Variants in PLCB4 observed in about 807,000 individuals in gnomAD.
PLCB4 encodes 1-phosphatidylinositol 4,5-bisphosphate phosphodiesterase beta-4.
In PLCB4, 77 loss-of-function variants were observed where a neutral mutation model predicts 178.8. The observed-to-expected ratio is 0.43, with a 90% CI of 0.36 to 0.52. PLCB4 has a LOEUF of 0.52. Among genes scored for constraint, PLCB4 ranks in the 20% least tolerant of loss-of-function variants. The probability of loss-of-function intolerance (pLI) is 0.00; values close to 1 mark genes in which losing one functional copy is unlikely to be tolerated. For synonymous variants in PLCB4, 496 were observed against 490.8 expected, an observed-to-expected ratio of 1.01 and a Z score of -0.14; for missense variants, 1,024 against 1,453.4, an observed-to-expected ratio of 0.70 and a Z score of 4.80.
intron 2 of PLCB4, among the ~76,000 whole-genome samples, chr20:9,105,333 A>C (rs1425078959): frequency 6.6e-6 from 1 of 152,150 alleles, no homozygotes; most frequent in Non-Finnish European, 1.5e-5. Flanking sequence ...GTAGGACATA[A>C]AATGAGTTTC....
intron 2 of PLCB4, among the ~76,000 whole-genome samples, chr20:9,197,292 C>G (rs1482475504): frequency 6.6e-6 from 1 of 152,194 alleles, no homozygotes; most frequent in Non-Finnish European, 1.5e-5. Flanking sequence ...TTCCTAGGAC[C>G]TGTGCTGTCC....
At chr20:9,263,317 A>T (rs2094316806) in intron 3 of PLCB4, among the ~76,000 whole-genome samples, 1 of 152,084 alleles carries the variant, frequency 6.6e-6, no homozygotes, top group South Asian at 2.1e-4. Flanking sequence ...CCTAAAATTG[A>T]CCACTACCCT....
At chr20:9,313,545 C>T (rs1177635011) in intron 4 of PLCB4, among the ~76,000 whole-genome samples, 1 of 152,110 alleles carries the variant, frequency 6.6e-6, no homozygotes, top group East Asian at 1.9e-4. Flanking sequence ...AGTGAAAATG[C>T]GTTAAGTGGA....
At chr20:9,364,241 A>G (rs943440188) in intron 8 of PLCB4, among the ~76,000 whole-genome samples, 2 of 152,204 alleles carry the variant, frequency 1.3e-5, no homozygotes, top group African/African-American at 4.8e-5. Context: ...TCAGGCACTG[A>G]TAGTCCTAAA....
At chr20:9,366,998 AT>A (rs796643016) in intron 9 of PLCB4, among the ~76,000 whole-genome samples, 3 of 152,356 alleles carry the variant, frequency 2.0e-5, no homozygotes, top group African/African-American at 7.2e-5. Context: ...GAGCAGTGGC[AT>A]GTGCTGTGGC....
At chr20:9,464,375 G>A (rs1197659737) in intron 35 of PLCB4, among the ~76,000 whole-genome samples, 2 of 152,028 alleles carry the variant, frequency 1.3e-5, no homozygotes, top group Admixed American at 1.3e-4. Flanking sequence ...AAGAACTAGA[G>A]ACGCAAGAGC....
intron 2 of PLCB4, among the ~76,000 whole-genome samples, chr20:9,135,183 TTTTA>T (rs1190611892): frequency 1.9e-4 from 29 of 152,180 alleles, no homozygotes; most frequent in African/African-American, 7.0e-4. Flanking sequence ...CACACAAGGT[TTTTA>T]TTTGTCAAGT....
intron 3 of PLCB4, among the ~76,000 whole-genome samples, chr20:9,307,362 G>A (rs1387910776): frequency 6.6e-6 from 1 of 152,036 alleles, no homozygotes; most frequent in Non-Finnish European, 1.5e-5. Context: ...TACCCTGTGG[G>A]CTCCTCCTGC....
chr20:9,213,039 T>C (rs919367068), intron 2 of PLCB4, among the ~76,000 whole-genome samples: 1 of 151,972 alleles, frequency 6.6e-6, no homozygotes, highest in African/African-American at 2.4e-5. Flanking sequence ...CAGCTTTCTG[T>C]TTCTGTGGAT....
At chr20:9,361,349 C>T (rs112436437) in intron 7 of PLCB4, among the ~76,000 whole-genome samples, 7 of 152,246 alleles carry the variant, frequency 4.6e-5, no homozygotes, top group African/African-American at 1.4e-4. Flanking sequence ...ACTTTGAGGA[C>T]TTTATGCTAA....
intron 2 of PLCB4, among the ~76,000 whole-genome samples, chr20:9,184,927 A>G (rs1662811278): frequency 6.6e-6 from 1 of 152,062 alleles, no homozygotes; most frequent in Non-Finnish European, 1.5e-5. Flanking sequence ...TTATGTATTT[A>G]TTTATTTTTC....
At chr20:9,398,361 CAT>C (rs1806596158) in intron 19 of PLCB4, among the ~76,000 whole-genome samples, 1 of 152,214 alleles carries the variant, frequency 6.6e-6, no homozygotes, top group East Asian at 1.9e-4. Context: ...TATTTTTTCA[CAT>C]GTTTTTGCAA....
At chr20:9,293,034 G>C (rs898274364) in intron 3 of PLCB4, among the ~76,000 whole-genome samples, 1 of 152,040 alleles carries the variant, frequency 6.6e-6, no homozygotes, top group Non-Finnish European at 1.5e-5. Context: ...AGGCCAGATC[G>C]TGCCACTGCA....
chr20:9,090,535 G>GTTTTTTTTT, intron 1 of PLCB4, among the ~76,000 whole-genome samples: 1 of 148,678 alleles, frequency 6.7e-6, no homozygotes, highest in African/African-American at 2.5e-5. Flanking sequence ...TTTCAAATGG[G>GTTTTTTTTT]TATTAGATAG....
chr20:9,354,910 G>C (rs959669471), intron 7 of PLCB4, among the ~76,000 whole-genome samples: 1 of 152,144 alleles, frequency 6.6e-6, no homozygotes, highest in Non-Finnish European at 1.5e-5. Flanking sequence ...ACCAAATTTA[G>C]TTCACATCAT....
At chr20:9,387,938 G>A (rs2037814288) in intron 15 of PLCB4, among the ~76,000 whole-genome samples, 1 of 152,172 alleles carries the variant, frequency 6.6e-6, no homozygotes, top group Admixed American at 6.5e-5. Context: ...TTGTAAATAG[G>A]GCCTACAAGA....
chr20:9,131,559 G>C (rs2146815465), intron 2 of PLCB4, among the ~76,000 whole-genome samples: 1 of 152,264 alleles, frequency 6.6e-6, no homozygotes, highest in African/African-American at 2.4e-5. Flanking sequence ...GTGTATGGTG[G>C]TTGCAGTTTT....
chr20:9,289,446 G>A (rs1568529780), intron 3 of PLCB4, among the ~76,000 whole-genome samples: 5 of 151,870 alleles, frequency 3.3e-5, no homozygotes, highest in African/African-American at 7.3e-5. Context: ...GAAATTATTC[G>A]GGTTTTTTTT....
At chr20:9,303,064 CTATT>C (rs2094724221) in intron 3 of PLCB4, among the ~76,000 whole-genome samples, 1 of 151,972 alleles carries the variant, frequency 6.6e-6, no homozygotes, top group South Asian at 2.1e-4. Flanking sequence ...GTTTTTTAAT[CTATT>C]TTTCAAGCTA....
Sources: gnomAD v4.1 joint callset for allele counts (sites outside exome capture counted in the v4.1 genomes callset) on GRCh38, gnomAD v4.1.1 for gene constraint, MANE v1.5 for transcripts, NCBI Gene and HGNC (gene_info 2026-07-23, HGNC 2026-07-21) for gene names.